Variants in LDLRAD3 observed in about 807,000 individuals in gnomAD.
LDLRAD3 encodes the protein low-density lipoprotein receptor class A domain-containing protein 3.
LDLRAD3 carries 20 observed loss-of-function variants against 29.4 expected under a neutral mutation model. The ratio of observed to expected loss-of-function variants is 0.68; its 90% CI spans 0.48 to 0.99. The LOEUF is 0.99. Ranked by LOEUF, LDLRAD3 falls within the 50% of genes least tolerant of loss-of-function variation. The pLI, the probability that LDLRAD3 is intolerant of heterozygous loss-of-function variation, is 0.00. For missense variants in LDLRAD3, 420 were observed against 454.3 expected, an observed-to-expected ratio of 0.92 and a Z score of 0.69; for synonymous variants, 157 against 192.7, an observed-to-expected ratio of 0.81 and a Z score of 1.53.
In LDLRAD3 at chr11:36,231,062, G is replaced by A. The variant is rs1320002239; in HGVS notation, c.*1665G>A. The A allele has an allele frequency of 1.3e-5, 2 of 152,572 alleles. No individual in the cohort carries two copies. The highest frequency in any genetic ancestry group is 2.9e-5 in the Non-Finnish European group (2 of 68,032). The allele number at this position is 152,572 out of a possible 1,614,324, so 9.5% of individuals were successfully genotyped here. On this transcript the variant is annotated 3_prime_UTR_variant, in exon 6 of 6. Transcript: ENST00000315571. ...AAGAAACCACACTGACTGATGAGGG[G>A]TAAAATGGAACCAGGTAGAGCCACT...
intron 1 of LDLRAD3, among the ~76,000 whole-genome samples, chr11:35,991,504 C>T (rs971798540): frequency 3.3e-5 from 5 of 152,112 alleles, no homozygotes; most frequent in Non-Finnish European, 7.4e-5. Context: ...ATTTTTTAGG[C>T]TTTGTGAGGG....
At chr11:35,953,590 G>C (rs1020864361) in intron 1 of LDLRAD3, among the ~76,000 whole-genome samples, 5 of 152,140 alleles carry the variant, frequency 3.3e-5, no homozygotes, top group African/African-American at 1.2e-4. Context: ...TGTTCTCCAG[G>C]CGTCGTTAAA....
At chr11:36,089,824 A>G (rs892900536) in intron 3 of LDLRAD3, among the ~76,000 whole-genome samples, 18 of 150,434 alleles carry the variant, frequency 1.2e-4, no homozygotes, top group African/African-American at 3.2e-4. Flanking sequence ...GCTGCCTTGA[A>G]TGGTCTCAAA....
At chr11:36,053,234 C>G (rs1852554124) in intron 2 of LDLRAD3, among the ~76,000 whole-genome samples, 1 of 152,060 alleles carries the variant, frequency 6.6e-6, no homozygotes, top group African/African-American at 2.4e-5. Flanking sequence ...CTCTAAGCAG[C>G]CTTTTTTTTC....
chr11:36,209,582 A>G (rs1266824686), intron 4 of LDLRAD3, among the ~76,000 whole-genome samples: 2 of 151,900 alleles, frequency 1.3e-5, no homozygotes, highest in Non-Finnish European at 2.9e-5. Context: ...CTGGTCTCGA[A>G]CTACTGACCT....
intron 1 of LDLRAD3, among the ~76,000 whole-genome samples, chr11:36,005,474 C>G (rs1486781068): frequency 6.6e-6 from 1 of 152,234 alleles, no homozygotes; most frequent in Non-Finnish European, 1.5e-5. Context: ...TCAGCCCGGA[C>G]TTCATTGTCC....
intron 4 of LDLRAD3, among the ~76,000 whole-genome samples, chr11:36,167,521 G>A (rs371812810): frequency 6.6e-6 from 1 of 151,934 alleles, no homozygotes; most frequent in Non-Finnish European, 1.5e-5. Flanking sequence ...ACAGGACCAC[G>A]TGAAGACAGA....
At chr11:36,225,607 T>C (rs1244047743) in intron 4 of LDLRAD3, among the ~76,000 whole-genome samples, 1 of 152,140 alleles carries the variant, frequency 6.6e-6, no homozygotes, top group Non-Finnish European at 1.5e-5. Context: ...GGCCAGGTTC[T>C]GAAGTCAGAC....
intron 4 of LDLRAD3, among the ~76,000 whole-genome samples, chr11:36,141,795 G>A (rs894369468): frequency 3.3e-5 from 5 of 152,208 alleles, no homozygotes; most frequent in African/African-American, 1.2e-4. Flanking sequence ...TACCTGAAGA[G>A]GTAGCTGGCT....
intron 4 of LDLRAD3, among the ~76,000 whole-genome samples, chr11:36,131,921 A>C (rs1473444329): frequency 6.6e-6 from 1 of 152,202 alleles, no homozygotes; most frequent in Non-Finnish European, 1.5e-5. Context: ...TTCTAGTGCC[A>C]TCTAGCGTCT....
intron 4 of LDLRAD3, among the ~76,000 whole-genome samples, chr11:36,194,877 G>T (rs1182856886): frequency 6.6e-6 from 1 of 152,156 alleles, no homozygotes. Flanking sequence ...GACAGATGTG[G>T]TCCCTGCCTG....
chr11:36,169,769 A>T (rs1038056831), intron 4 of LDLRAD3, among the ~76,000 whole-genome samples: 1 of 152,178 alleles, frequency 6.6e-6, no homozygotes, highest in South Asian at 2.1e-4. Flanking sequence ...GAGTGCAGGC[A>T]TCTTTTCGGT....
intron 4 of LDLRAD3, among the ~76,000 whole-genome samples, chr11:36,193,408 G>A (rs7928915): frequency 0.28 from 42,249 of 151,876 alleles, 5,954 homozygotes; most frequent in African/African-American, 0.33. Flanking sequence ...GCATACAGTC[G>A]CCAGAACAAT....
At chr11:36,198,592 T>C (rs1011972464) in intron 4 of LDLRAD3, among the ~76,000 whole-genome samples, 9 of 152,202 alleles carry the variant, frequency 5.9e-5, no homozygotes, top group Admixed American at 5.9e-4. Context: ...CTCCTGCCTC[T>C]GCATGAAGCA....
chr11:36,046,616 C>T (rs538188733), intron 2 of LDLRAD3, among the ~76,000 whole-genome samples: 10 of 152,204 alleles, frequency 6.6e-5, no homozygotes, highest in Non-Finnish European at 1.3e-4. Flanking sequence ...ACCCAATTTC[C>T]AAATATAAGG....
chr11:35,956,002 A>G (rs1056718349), intron 1 of LDLRAD3, among the ~76,000 whole-genome samples: 8 of 152,204 alleles, frequency 5.3e-5, no homozygotes, highest in African/African-American at 1.9e-4. Flanking sequence ...TGCTAATGAG[A>G]TGAGAAGGTT....
intron 4 of LDLRAD3, among the ~76,000 whole-genome samples, chr11:36,215,669 G>A (rs866974770): frequency 2.0e-5 from 3 of 152,172 alleles, no homozygotes; most frequent in African/African-American, 7.2e-5. Flanking sequence ...AGCTTGTTGG[G>A]TCAGGGTCGT....
At chr11:36,194,734 G>T (rs1257561092) in intron 4 of LDLRAD3, among the ~76,000 whole-genome samples, 1 of 152,130 alleles carries the variant, frequency 6.6e-6, no homozygotes, top group Non-Finnish European at 1.5e-5. Flanking sequence ...GAAAAAATAA[G>T]CAATGTTCAG....
chr11:36,203,428 A>G (rs1253062788), intron 4 of LDLRAD3, among the ~76,000 whole-genome samples: 2 of 152,200 alleles, frequency 1.3e-5, no homozygotes, highest in Non-Finnish European at 2.9e-5. Flanking sequence ...GGATTCAGAC[A>G]TGGGTCTGTC....
Sources: allele counts gnomAD v4.1 joint callset (sites outside exome capture counted in the v4.1 genomes callset), GRCh38; gene constraint gnomAD v4.1.1; transcripts MANE v1.5; gene names NCBI Gene and HGNC (gene_info 2026-07-23, HGNC 2026-07-21).